The following SHC1 variants were observed in gnomAD, a reference collection of about 807,000 sequenced individuals.
SHC1 encodes the protein SHC-transforming protein 1.
A neutral mutation model predicts 55.9 loss-of-function variants in SHC1; 30 were observed. The observed-to-expected ratio is 0.54, with a 90% CI of 0.40 to 0.73. SHC1 has a LOEUF of 0.73. SHC1 is among the 30% of genes least tolerant of loss of function. The probability of loss-of-function intolerance (pLI) is 0.00; values close to 1 mark genes in which losing one functional copy is unlikely to be tolerated. For synonymous variants in SHC1, 309 were observed against 306.1 expected, an observed-to-expected ratio of 1.01 and a Z score of -0.10; for missense variants, 675 against 777.1, an observed-to-expected ratio of 0.87 and a Z score of 1.56.
chr1:154,972,957 C>A (rs1468185850), upstream of SHC1, among the ~76,000 whole-genome samples: 1 of 152,146 alleles, frequency 6.6e-6, no homozygotes, highest in Non-Finnish European at 1.5e-5. Flanking sequence ...CTATTATCTA[C>A]CCCCACTCCA....
At chr1:154,972,684 A>C (rs1335649270), upstream of SHC1, among the ~76,000 whole-genome samples, 1 of 152,158 alleles carries the variant, frequency 6.6e-6, no homozygotes, top group Non-Finnish European at 1.5e-5. Flanking sequence ...GGGAGAAAGG[A>C]GATTGCCTAC....
At chr1:154,972,895 T>C (rs1656877734), upstream of SHC1, among the ~76,000 whole-genome samples, 2 of 151,184 alleles carry the variant, frequency 1.3e-5, no homozygotes, top group Non-Finnish European at 1.5e-5. Context: ...GACAGAGAAG[T>C]AGCGACTGAA....
At chr1:154,970,778 C>T (rs1656665318), upstream of SHC1, 1 of 391,180 alleles carries the variant, frequency 2.6e-6, no homozygotes, top group Non-Finnish European at 4.6e-6. This position sits in a 1 kb window ranked among gnomAD's most constrained non-coding sequence, Gnocchi z 5.5. Context: ...GGACCCAGCG[C>T]TTCTGGCTCC....
Position 154,966,413 on chromosome 1 carries a change from ACCC to A in SHC1, c.1085_1087del (p.Gly362del), listed in dbSNP as rs746556543. 2 of 1,605,420 alleles carry A rather than the reference ACCC, an allele frequency of 1.2e-6. No individual in the cohort carries two copies. The highest frequency in any genetic ancestry group is 1.4e-5 in the African/African-American group (1 of 73,716). ...TCCTTCCCGAAGCCTCATGTCTACC[ACCC>A]CCCCCAAGGGGGGTTCCTTCCCCGG... On this transcript the variant is annotated inframe_deletion, in exon 8 of 12. Coordinates refer to ENST00000448116, the MANE Select transcript of SHC1 (RefSeq NM_001130040.2).
At chr1:154,969,902 G>T in intron 1 of SHC1, 130 bp downstream of exon 1, 1 of 1,060,376 alleles carries the variant, frequency 9.4e-7, no homozygotes. Flanking sequence ...GATGAGAAAG[G>T]TTTAGGAAAT....
intron 1 of SHC1, among the ~76,000 whole-genome samples, 159 bp downstream of exon 1, chr1:154,969,873 G>A (rs1656519420): frequency 6.6e-6 from 1 of 151,690 alleles, no homozygotes; most frequent in Non-Finnish European, 1.5e-5. Flanking sequence ...AAGGGAAGGG[G>A]CTACAGAATC....
intron 5 of SHC1, 49 bp downstream of exon 5, chr1:154,968,155 C>T (rs777016042): frequency 4.4e-6 from 7 of 1,600,270 alleles, no homozygotes; most frequent in South Asian, 1.1e-5. Context: ...TTCCCAATCC[C>T]TAGCCCCTTG....
Position 154,966,463 on chromosome 1 carries a change from G to T in SHC1, c.1038C>A (p.Asp346Glu). 1 of 1,611,608 alleles carries T rather than the reference G, an allele frequency of 6.2e-7. No individual in the cohort carries two copies. Among genetic ancestry groups the T allele is most frequent in the South Asian group, 1.1e-5 (1 of 90,590 alleles). The stretch of plus-strand genomic sequence containing the variant: ...CCGGGAAGTCATTATAGTACTGATG[G>T]TCAGGTGGCTCTTCCTCCTCCTCAT... ...AWDEEEEEPP[D>E]HQYYNDFPGK... Residue 346 changes from aspartate to glutamate, a missense_variant, in exon 8 of 12, where the codon GAC (aspartate) becomes GAA (glutamate). Around this residue, in one of 3 missense-constraint regions of SHC1, gnomAD observed 360 missense variants for 371.1 expected, o/e 0.97. Coordinates refer to ENST00000448116, the MANE Select transcript of SHC1 (RefSeq NM_001130040.2).
chr1:154,966,967 G>A (rs1656070212), intron 7 of SHC1, among the ~76,000 whole-genome samples: 1 of 152,180 alleles, frequency 6.6e-6, no homozygotes, highest in Admixed American at 6.5e-5. Context: ...TACTCAGCCA[G>A]GTGTGGTGGC....
rs1278576124 is a variant in SHC1, at chr1:154,963,611, G to C, written c.*192C>G. 8.6e-6 allele frequency: 5 copies of C among 581,116 alleles called. No homozygotes were observed. The highest frequency in any genetic ancestry group is 2.1e-5 in the South Asian group (1 of 47,404). The allele number at this position is 581,116 out of a possible 1,614,324, so 36.0% of individuals were successfully genotyped here. On this transcript the variant is annotated 3_prime_UTR_variant, in exon 12 of 12. Coordinates refer to ENST00000448116, the MANE Select transcript of SHC1 (RefSeq NM_001130040.2). ...TACTTTGGTGATTAATGTTTGGGGAGAGGCAGGATTCTCACCCAGGCTTTT... is the reference window on the plus strand; with the variant it reads ...TACTTTGGTGATTAATGTTTGGGGACAGGCAGGATTCTCACCCAGGCTTTT...
chr1:154,963,938 G>T lies in SHC1; in HGVS notation c.1627-7C>A. ...GGTGATCCTTAGTCCGAACCTGGGA[G>T]GGTGGGAAGGAAGAAGGTCAATTCA... On this transcript the variant is annotated splice_polypyrimidine_tract_variant and splice_region_variant and intron_variant, in intron 11 of 11. Transcript: ENST00000448116. 1 of 1,613,982 alleles carries T rather than the reference G, an allele frequency of 6.2e-7. No homozygotes were observed. The highest frequency in any genetic ancestry group is 8.5e-7 in the Non-Finnish European group (1 of 1,179,884).
At position 154,970,084 on chromosome 1, in the gene SHC1, C is replaced by T. The variant is rs1656550893; in HGVS notation, c.443G>A (p.Trp148Ter). 6.2e-7 allele frequency: 1 copy of T among 1,614,022 alleles called. No individual in the cohort carries two copies. The highest frequency in any genetic ancestry group is 8.5e-7 in the Non-Finnish European group (1 of 1,179,984). ...CATGACTTTGTCGTTGGGATGCAGC[C>T]AGCCCCGCGTGGGCTTATTGACAAA... ...GSFVNKPTRG[W>*]LHPNDKVMGP... Residue 148 changes from tryptophan to a stop codon, truncating the protein, a stop_gained, in exon 1 of 12, where the codon TGG becomes TAG. Coordinates refer to ENST00000448116, the MANE Select transcript of SHC1 (RefSeq NM_001130040.2). LOFTEE classifies it high-confidence loss of function. The surrounding 1 kb of genome is among the most constrained non-coding windows in gnomAD (Gnocchi z 5.5).
intron 1 of SHC1, 143 bp downstream of exon 1, chr1:154,969,889 A>C: frequency 1.1e-6 from 1 of 923,070 alleles, no homozygotes; most frequent in Non-Finnish European, 1.7e-6. Context: ...GAATCGGGGA[A>C]GGGATGAGAA....
rs753481070 is a variant in SHC1, at chr1:154,970,394, T to G, written c.133A>C (p.Ile45Leu). The G allele has an allele frequency of 6.2e-7, 1 of 1,603,068 alleles. No individual in the cohort carries two copies. Among genetic ancestry groups the G allele is most frequent in the Non-Finnish European group, 8.5e-7 (1 of 1,175,142 alleles). ...TCGTCCCCAGGCAGAGGAGGCAGGATGGGCCCCAGGGATGAAGCTGATGGG... is the reference window on the plus strand; with the variant it reads ...TCGTCCCCAGGCAGAGGAGGCAGGAGGGGCCCCAGGGATGAAGCTGATGGG... ...PSPSASSLGP[I>L]LPPLPGDDSP... The change falls in exon 1 of 12, where the codon ATC becomes CTC. Residue 45 changes from isoleucine (I) to leucine (L), a missense_variant. Ile to Leu is a conservative substitution (Grantham distance 5). Transcript: ENST00000448116. This position sits in a 1 kb window ranked among gnomAD's most constrained non-coding sequence, Gnocchi z 5.5.
At chr1:154,972,711 T>C (rs1656859323), upstream of SHC1, among the ~76,000 whole-genome samples, 1 of 152,050 alleles carries the variant, frequency 6.6e-6, no homozygotes, top group African/African-American at 2.4e-5. Flanking sequence ...TCCAGGTGAT[T>C]GGGTGTAGGG....
In SHC1 at chr1:154,966,502, A is replaced by G. The variant is rs1656003933; in HGVS notation, c.999T>C (p.Asp333=). ...CCTCCTCCTCATCCCATGCTGAGCC[A>G]TCAAAGCCAGCCATCCTGAGGGACA... ...VTPHDRMAGF[D]GSAWDEEEEE... is the part of the protein sequence containing the mutation. Residue 333 remains aspartate, a synonymous_variant, in exon 8 of 12, where the codon GAT becomes GAC. Coordinates refer to ENST00000448116, the MANE Select transcript of SHC1 (RefSeq NM_001130040.2). The G allele has an allele frequency of 1.9e-6, 3 of 1,596,890 alleles. No individual in the cohort carries two copies. The highest frequency in any genetic ancestry group is 2.6e-6 in the Non-Finnish European group (3 of 1,170,322).
In SHC1 at chr1:154,966,363, TG is replaced by T; in HGVS notation, c.1137del (p.Thr380LeufsTer17). 6.2e-7 allele frequency: 1 copy of T among 1,614,138 alleles called. No homozygotes were observed. Among genetic ancestry groups the T allele is most frequent in the Non-Finnish European group, 8.5e-7 (1 of 1,180,000 alleles). On this transcript the variant is annotated frameshift_variant, in exon 8 of 12. Coordinates refer to ENST00000448116, the MANE Select transcript of SHC1 (RefSeq NM_001130040.2). LOFTEE classifies it high-confidence loss of function. ...CTGGGGGTCTGGGCATTGGGTGCAG[TG>T]GGTCGAGCAGCCCCTGGAGCGGCTC... Reference protein sequence around the residue: ...REGAAPGAARPTAPNAQTPSH... With the variant: ...REGAAPGAARXTAPNAQTPSH...
At position 154,970,456 on chromosome 1, in the gene SHC1, C is replaced by A. The variant is rs1656620268; in HGVS notation, c.71G>T (p.Gly24Val). ...RNESLSSLEE[G>V]ASGSTPPEEL... Reference sequence around the variant, plus strand: ...CTCCGGGGGGGTGGACCCAGAAGCCCCTTCCTCCAGCGATGACAGAGACTC... The same window carrying A: ...CTCCGGGGGGGTGGACCCAGAAGCCACTTCCTCCAGCGATGACAGAGACTC... The change falls in exon 1 of 12, where the codon GGG (glycine) becomes GTG (valine). Residue 24 changes from glycine (G) to valine (V), a missense_variant. This residue lies in a region of SHC1 where 156 missense variants were observed against 159.1 expected (regional missense o/e 0.98). Transcript: ENST00000448116. This position sits in a 1 kb window ranked among gnomAD's most constrained non-coding sequence, Gnocchi z 5.5. The A allele has an allele frequency of 6.2e-7, 1 of 1,611,870 alleles. No individual in the cohort carries two copies. Among genetic ancestry groups the A allele is most frequent in the African/African-American group, 1.3e-5 (1 of 74,874 alleles).
chr1:154,969,407 C>T lies in SHC1; in HGVS notation c.537G>A (p.Leu179=). Reference sequence around the variant, plus strand: ...TGACCTGAGTCCGGGTGTTGAAGTCCAGGGCACGCATTGACTGGAGGACCT... The same window carrying T: ...TGACCTGAGTCCGGGTGTTGAAGTCTAGGGCACGCATTGACTGGAGGACCT... ...CVEVLQSMRA[L]DFNTRTQVTR... The change falls in exon 2 of 12, where the codon CTG becomes CTA. Residue 179 remains leucine (L), a synonymous_variant. Coordinates refer to ENST00000448116, the MANE Select transcript of SHC1 (RefSeq NM_001130040.2). The T allele has an allele frequency of 6.2e-7, 1 of 1,612,502 alleles. No individual in the cohort carries two copies.
Sources: allele counts gnomAD v4.1 joint callset (sites outside exome capture counted in the v4.1 genomes callset), GRCh38; gene constraint gnomAD v4.1.1; regional missense constraint gnomAD v4.1.1; non-coding constraint Gnocchi (gnomAD v3.1); transcripts MANE v1.5; gene names NCBI Gene and HGNC (gene_info 2026-07-23, HGNC 2026-07-21).